Variants in B3GALT1 observed in about 807,000 individuals in gnomAD.
The protein encoded by B3GALT1 is beta-1,3-galactosyltransferase 1, also known as UDP-Gal:betaGlcNAc beta 1,3-galactosyltransferase, polypeptide 1.
A neutral mutation model predicts 23.2 loss-of-function variants in B3GALT1; 10 were observed. That is an observed-to-expected ratio of 0.43 (90% CI 0.27 to 0.73). B3GALT1 has a LOEUF of 0.73. Among genes scored for constraint, B3GALT1 ranks in the 30% least tolerant of loss-of-function variants. B3GALT1 has a pLI of 0.21. For missense variants in B3GALT1, 299 were observed against 405.4 expected (o/e 0.74, Z 2.25); for synonymous variants, 156 against 141.5 (o/e 1.10, Z -0.73).
At chr2:167,715,776 T>A in intron 3 of B3GALT1, 1 of 1,613,374 alleles carries the variant, frequency 6.2e-7, no homozygotes, top group South Asian at 1.1e-5. Flanking sequence ...GGAATAAGGC[T>A]AAATTTTTCA....
chr2:167,747,918 G>T (rs1186238236), intron 3 of B3GALT1, among the ~76,000 whole-genome samples: 2 of 152,054 alleles, frequency 1.3e-5, no homozygotes, highest in African/African-American at 4.8e-5. Context: ...TCAGGCCAAT[G>T]GTTAAGTATT....
chr2:167,400,689 C>G (rs561227489), intron 1 of B3GALT1, among the ~76,000 whole-genome samples: 30 of 152,240 alleles, frequency 2.0e-4, no homozygotes, highest in African/African-American at 7.2e-4. Flanking sequence ...TGTGCATCTT[C>G]ACTGCCAATT....
intron 2 of B3GALT1, among the ~76,000 whole-genome samples, chr2:167,548,683 T>TGAGTGTGTGTGTGTGTGTGTGA (rs1553466229): frequency 1.2e-3 from 157 of 125,734 alleles, no homozygotes; most frequent in African/African-American, 5.6e-3. Context: ...GACGTGTGTG[T>TGAGTGTGTGTGTGTGTGTGTGA]GAGTGTGTGT....
chr2:167,405,670 C>T (rs933581421), intron 1 of B3GALT1, among the ~76,000 whole-genome samples: 54 of 152,050 alleles, frequency 3.6e-4, no homozygotes, highest in African/African-American at 1.3e-3. Context: ...ATGAATTACT[C>T]ATTAGATTCC....
chr2:167,807,292 G>A (rs938434757), intron 3 of B3GALT1, among the ~76,000 whole-genome samples: 1 of 152,036 alleles, frequency 6.6e-6, no homozygotes, highest in Non-Finnish European at 1.5e-5. Context: ...ATTTTTGAAG[G>A]GTTTTTTGTG....
At chr2:167,811,907 T>C (rs1011668785) in intron 3 of B3GALT1, among the ~76,000 whole-genome samples, 4 of 152,240 alleles carry the variant, frequency 2.6e-5, no homozygotes, top group Non-Finnish European at 5.9e-5. Context: ...TATTGCTGTT[T>C]CAACTGTCTA....
chr2:167,664,789 T>G (rs1433835408), intron 3 of B3GALT1, among the ~76,000 whole-genome samples: 3 of 151,664 alleles, frequency 2.0e-5, no homozygotes, highest in Non-Finnish European at 4.4e-5. Context: ...ATAAGAATGC[T>G]TGTGATTTTT....
At chr2:167,798,820 T>A (rs926971629) in intron 3 of B3GALT1, among the ~76,000 whole-genome samples, 4 of 152,174 alleles carry the variant, frequency 2.6e-5, no homozygotes, top group Admixed American at 6.5e-5. Flanking sequence ...AAAGGATAGT[T>A]TTGGCAATTT....
chr2:167,576,386 C>T, intron 2 of B3GALT1, among the ~76,000 whole-genome samples: 1 of 151,732 alleles, frequency 6.6e-6, no homozygotes, highest in East Asian at 1.9e-4. Flanking sequence ...AATTAAACTG[C>T]TCTGATTGCT....
rs544675183 is a variant in B3GALT1 at position 167,539,399 on chromosome 2, T to C, written c.-410+49122T>C. Among the ~76,000 whole-genome samples, 5 of 152,296 alleles carry C rather than the reference T, an allele frequency of 3.3e-5. No homozygotes were observed. In the South Asian group the frequency reaches 1.0e-3, roughly 32 times the overall value. ...GTAATTTCTCCGAGTGGTAAAGTTA[T>C]ATACATCTAGCAAAGGTGAGACAAC... On this transcript the variant is annotated intron_variant, in intron 2 of 4. Transcript: ENST00000392690.
At chr2:167,738,711 T>A (rs894954273) in intron 3 of B3GALT1, among the ~76,000 whole-genome samples, 2 of 152,224 alleles carry the variant, frequency 1.3e-5, no homozygotes, top group African/African-American at 2.4e-5. Flanking sequence ...TTTCAAGTAA[T>A]GCCTCAAGAT....
chr2:167,463,693 T>G lies in B3GALT1; in HGVS notation c.-510-26484T>G, dbSNP rs75027806. ...TTTCAAGATTATGTAAAAGTGGAAT[T>G]TAGAATTTCCAAAGTACTCCAGGAG... On this transcript the variant is annotated intron_variant, in intron 1 of 4. Coordinates refer to ENST00000392690, the MANE Select transcript of B3GALT1 (RefSeq NM_020981.4). Among the ~76,000 whole-genome samples, 885 of 152,246 alleles carry G rather than the reference T, an allele frequency of 5.8e-3. 9 individuals are homozygous for G. The highest frequency in any genetic ancestry group is 0.02 in the African/African-American group (849 of 41,550).
intron 3 of B3GALT1, among the ~76,000 whole-genome samples, chr2:167,797,979 C>T (rs1372798704): frequency 1.3e-5 from 2 of 152,218 alleles, no homozygotes; most frequent in Non-Finnish European, 1.5e-5. Context: ...GCTGGTATTA[C>T]AGGCGTGAGC....
chr2:167,764,582 G>C (rs1292348422), intron 3 of B3GALT1, among the ~76,000 whole-genome samples: 3 of 152,060 alleles, frequency 2.0e-5, no homozygotes, highest in Admixed American at 6.5e-5. Context: ...TTATACATAT[G>C]TAAAATGAAC....
chr2:167,669,554 C>T (rs943041171), intron 3 of B3GALT1, among the ~76,000 whole-genome samples: 12 of 151,622 alleles, frequency 7.9e-5, no homozygotes, highest in Non-Finnish European at 1.5e-4. Flanking sequence ...TATATGTATA[C>T]TTTATAGGAA....
intron 2 of B3GALT1, among the ~76,000 whole-genome samples, chr2:167,492,348 G>A (rs576593409): frequency 6.6e-6 from 1 of 152,230 alleles, no homozygotes; most frequent in South Asian, 2.1e-4. Context: ...TATTTCATTG[G>A]ACGGATGTAC....
chr2:167,381,642 G>A (rs1054974212), intron 1 of B3GALT1, among the ~76,000 whole-genome samples: 5 of 152,236 alleles, frequency 3.3e-5, no homozygotes, highest in African/African-American at 9.6e-5. Context: ...CAGACTCTAG[G>A]TTTGAAGAAA....
intron 2 of B3GALT1, among the ~76,000 whole-genome samples, chr2:167,613,466 A>G (rs1003398396): frequency 1.3e-5 from 2 of 151,414 alleles, no homozygotes; most frequent in Admixed American, 1.3e-4. Context: ...TATATAATAT[A>G]CTAGAAAGAG....
chr2:167,785,424 AT>A (rs1302202241), intron 3 of B3GALT1, among the ~76,000 whole-genome samples: 4 of 152,080 alleles, frequency 2.6e-5, no homozygotes, highest in African/African-American at 7.2e-5. Context: ...TTGTTTGCAG[AT>A]TTCAGACAAT....
Sources: allele counts gnomAD v4.1 joint callset (sites outside exome capture counted in the v4.1 genomes callset), GRCh38; gene constraint gnomAD v4.1.1; transcripts MANE v1.5; gene names NCBI Gene and HGNC (gene_info 2026-07-23, HGNC 2026-07-21).